Variants in LIN52 observed in about 807,000 individuals in gnomAD.
The protein encoded by LIN52 is lin-52 DREAM MuvB core complex component.
In LIN52, 4 loss-of-function variants were observed where a neutral mutation model predicts 18.5. That is an observed-to-expected ratio of 0.22 (90% confidence interval 0.11 to 0.49). LIN52 has a LOEUF of 0.49. Ranked by LOEUF, LIN52 falls within the 20% of genes least tolerant of loss-of-function variation. LIN52 has a pLI of 0.97. For synonymous variants in LIN52, 34 were observed against 45.5 expected (o/e 0.75, Z 1.02); for missense variants, 102 against 139.5 (o/e 0.73, Z 1.35).
At chr14:74,138,447 G>T (rs1256732396) in intron 5 of LIN52, among the ~76,000 whole-genome samples, 1 of 152,204 alleles carries the variant, frequency 6.6e-6, no homozygotes. Flanking sequence ...ACAATTTAGT[G>T]TGGAACTGAG....
chr14:74,130,277 G>GTTTTTTTTTTTTTTTTTTTTTTTTTTTT (rs371965343), intron 5 of LIN52, among the ~76,000 whole-genome samples: 2 of 46,426 alleles, frequency 4.3e-5, no homozygotes, highest in Non-Finnish European at 3.5e-5. Context: ...GGCATTTTTT[G>GTTTTTTTTTTTTTTTTTTTTTTTTTTTT]GTTTTTTTTT....
chr14:74,193,257 A>AG (rs1254268242), intron 5 of LIN52, among the ~76,000 whole-genome samples: 1 of 151,644 alleles, frequency 6.6e-6, no homozygotes, highest in African/African-American at 2.4e-5. Context: ...CAAAAAAAAA[A>AG]AAAAGAAAAA....
intron 5 of LIN52, among the ~76,000 whole-genome samples, chr14:74,190,039 G>A (rs951900889): frequency 6.6e-6 from 1 of 152,140 alleles, no homozygotes; most frequent in African/African-American, 2.4e-5. Context: ...GGGAGACTGA[G>A]GCAAGAGGAT....
intron 5 of LIN52, among the ~76,000 whole-genome samples, chr14:74,139,425 T>G (rs1005725101): frequency 2.0e-5 from 3 of 152,200 alleles, no homozygotes; most frequent in Non-Finnish European, 2.9e-5. Context: ...ATTTTACAGG[T>G]GCATGTATGG....
intron 5 of LIN52, among the ~76,000 whole-genome samples, chr14:74,124,079 A>G (rs1254154509): frequency 6.6e-6 from 1 of 152,120 alleles, no homozygotes; most frequent in Non-Finnish European, 1.5e-5. Flanking sequence ...TTTTTACAAG[A>G]TGATCATGGA....
At chr14:74,090,777 A>G (rs1299764347) in intron 1 of LIN52, among the ~76,000 whole-genome samples, 1 of 152,222 alleles carries the variant, frequency 6.6e-6, no homozygotes, top group Non-Finnish European at 1.5e-5. Context: ...GGGGTTGTGT[A>G]CAAACTTTAG....
Position 74,097,880 on chromosome 14 carries a change from A to G in LIN52, c.199+20A>G. On this transcript the variant is annotated intron_variant, in intron 4 of 5. Transcript: ENST00000555028. ...TGAAAGGTAAGTGATGCTAGTTACC[A>G]CTTTTAACTGGATATTTATGTTTTT... 1 of 1,556,532 alleles carries G rather than the reference A, an allele frequency of 6.4e-7. No individual in the cohort carries two copies. The highest frequency in any genetic ancestry group is 8.9e-7 in the Non-Finnish European group (1 of 1,128,658).
chr14:74,133,224 T>G (rs1378709665), intron 5 of LIN52, among the ~76,000 whole-genome samples: 1 of 152,244 alleles, frequency 6.6e-6, no homozygotes, highest in Admixed American at 6.5e-5. Flanking sequence ...ATCTTGTGAT[T>G]GGGTTGGTGT....
At chr14:74,087,974 A>G (rs72725943) in intron 1 of LIN52, among the ~76,000 whole-genome samples, 1 of 152,088 alleles carries the variant, frequency 6.6e-6, no homozygotes, top group Non-Finnish European at 1.5e-5. Flanking sequence ...GCTGAAATGC[A>G]GTGATATGAT....
At chr14:74,109,154 C>G (rs750127912) in intron 5 of LIN52, among the ~76,000 whole-genome samples, 3 of 152,164 alleles carry the variant, frequency 2.0e-5, no homozygotes, top group Non-Finnish European at 2.9e-5. Flanking sequence ...AAAAGACTAT[C>G]CTTTTTCTAT....
intron 5 of LIN52, among the ~76,000 whole-genome samples, chr14:74,189,988 A>G (rs574220164): frequency 6.6e-6 from 1 of 152,268 alleles, no homozygotes; most frequent in East Asian, 1.9e-4. Context: ...TATCTTTCTC[A>G]GGCTGGGCAT....
At chr14:74,146,354 C>T (rs2061152466) in intron 5 of LIN52, among the ~76,000 whole-genome samples, 1 of 151,978 alleles carries the variant, frequency 6.6e-6, no homozygotes. Context: ...CTTCAGTTTC[C>T]ATAAAATGTT....
chr14:74,149,351 C>T lies in LIN52; in HGVS notation c.283+48113C>T, dbSNP rs374693335. ...TGGATATTTTTATAACTCTACAAAA[C>T]GATTAGACTGACGTAAAGCAATTCT... is the stretch of plus-strand genomic sequence containing the variant. On this transcript the variant is annotated intron_variant, in intron 5 of 5. Transcript: ENST00000555028. Among the ~76,000 whole-genome samples the T allele has an allele frequency of 2.6e-4, 40 of 152,202 alleles. No homozygotes were observed. In the South Asian group the frequency reaches 7.0e-3, roughly 27 times the overall value.
At chr14:74,119,836 C>CTT (rs555673247) in intron 5 of LIN52, among the ~76,000 whole-genome samples, 17 of 132,344 alleles carry the variant, frequency 1.3e-4, no homozygotes, top group Admixed American at 3.8e-4. Context: ...CTGGATTATT[C>CTT]TTTTTTTTTT....
chr14:74,104,780 G>A (rs971324886), intron 5 of LIN52, among the ~76,000 whole-genome samples: 3 of 151,632 alleles, frequency 2.0e-5, no homozygotes, highest in African/African-American at 7.3e-5. Flanking sequence ...ACAAAACCCA[G>A]AATTTGAAAA....
chr14:74,185,154 G>C (rs1456873616), intron 5 of LIN52, among the ~76,000 whole-genome samples: 1 of 151,844 alleles, frequency 6.6e-6, no homozygotes, highest in Non-Finnish European at 1.5e-5. Context: ...GACTGTCATT[G>C]TCTCTAGGCC....
intron 5 of LIN52, among the ~76,000 whole-genome samples, chr14:74,136,849 T>C (rs999696217): frequency 2.6e-5 from 4 of 152,170 alleles, no homozygotes; most frequent in Non-Finnish European, 4.4e-5. Context: ...GTAGCCAGGC[T>C]TGAAACTAAA....
At position 74,158,206 on chromosome 14, in the gene LIN52, A is replaced by G. The variant is rs573122208; in HGVS notation, c.284-40716A>G. Among the ~76,000 whole-genome samples the G allele has an allele frequency of 3.4e-5, 5 of 149,024 alleles. No homozygotes were observed. In the Admixed American group the frequency reaches 3.4e-4, roughly 10 times the overall value. ...CTCGGCTCACTGCAACCTCCGCCTC[A>G]CAGGTTCAACTGATTCTTGTACCTC... On this transcript the variant is annotated intron_variant, in intron 5 of 5. Transcript: ENST00000555028.
chr14:74,180,366 C>T (rs1296443880), intron 5 of LIN52, among the ~76,000 whole-genome samples: 1 of 150,312 alleles, frequency 6.7e-6, no homozygotes, highest in African/African-American at 2.5e-5. Flanking sequence ...CCCGGGTTCA[C>T]GCCATTCTCC....
Sources: allele counts gnomAD v4.1 joint callset (sites outside exome capture counted in the v4.1 genomes callset), GRCh38; gene constraint gnomAD v4.1.1; transcripts MANE v1.5; gene names NCBI Gene and HGNC (gene_info 2026-07-23, HGNC 2026-07-21).